TDRKH: variants seen among roughly 807,000 people sequenced by gnomAD.
TDRKH encodes the protein tudor and KH domain containing, also known as tudor and KH domain-containing protein.
Under a neutral mutation model 61.3 loss-of-function variants are expected in TDRKH, and 28 were observed. The observed-to-expected ratio is 0.46, with a 90% CI of 0.34 to 0.63. The LOEUF (loss-of-function observed/expected upper bound fraction) is 0.63. TDRKH is among the 20% of genes least tolerant of loss of function. The pLI, the probability that TDRKH is intolerant of heterozygous loss-of-function variation, is 0.01. For synonymous variants in TDRKH, 219 were observed against 244.4 expected (o/e 0.90, Z 0.97); for missense variants, 540 against 683.4 (o/e 0.79, Z 2.34).
At chr1:151,772,348 T>A (rs1014547593), downstream of TDRKH, among the ~76,000 whole-genome samples, 1 of 152,026 alleles carries the variant, frequency 6.6e-6, no homozygotes, top group African/African-American at 2.4e-5. Context: ...CGCCTCGGCC[T>A]CCCAAAGTGT....
rs1329340458 is a variant in TDRKH, at chr1:151,781,727, A to G, written c.125-140T>C. The G allele has an allele frequency of 5.8e-6, 4 of 694,536 alleles. No individual in the cohort carries two copies. The African/African-American group carries it at 7.1e-5, about 12-fold the overall frequency. The allele number at this position is 694,536 out of a possible 1,614,324, so 43.0% of individuals were successfully genotyped here. A position where few individuals can be genotyped will look rare whatever the true frequency, so the allele number is the denominator to read the frequency against. ...AGGATCTCAACCATAACAACAAGGA[A>G]AAGTGGCATCTGAATGGGAATTAGA... On this transcript the variant is annotated intron_variant, in intron 2 of 12. Transcript: ENST00000368824.
chr1:151,769,823 G>A (rs540235230), downstream of TDRKH, among the ~76,000 whole-genome samples: 10 of 152,362 alleles, frequency 6.6e-5, no homozygotes, highest in African/African-American at 1.4e-4. Context: ...CTGCAATCCC[G>A]GCACCTCAGG....
At chr1:151,770,107 G>A (rs780765759), downstream of TDRKH, 487 of 456,716 alleles carry the variant, frequency 1.1e-3, 1 homozygote, top group Non-Finnish European at 1.6e-3. Flanking sequence ...ATGGGGAGAC[G>A]GAGACGGAGA....
intron 3 of TDRKH, among the ~76,000 whole-genome samples, 185 bp downstream of exon 3, chr1:151,781,296 A>C: frequency 7.8e-6 from 1 of 128,922 alleles, no homozygotes; most frequent in African/African-American, 2.8e-5. Context: ...CAGCCTGGAC[A>C]ACAAGAGCGA....
chr1:151,779,633 C>A, intron 4 of TDRKH: 1 of 382,182 alleles, frequency 2.6e-6, no homozygotes, highest in East Asian at 4.5e-5. Context: ...AAGGTACCCT[C>A]TAGAGCACTG....
At chr1:151,771,443 G>C, downstream of TDRKH, 2 of 1,111,172 alleles carry the variant, frequency 1.8e-6, no homozygotes, top group Non-Finnish European at 2.3e-6. Context: ...AACTACGGAG[G>C]AAAGTACCTA....
chr1:151,774,318 A>T lies in TDRKH; in HGVS notation c.*134T>A. Reference sequence around the variant, plus strand: ...GAAAGCAGCTGCAGAGAAGTATATTAAGACAGGGCATGGGAAAGAGGGAAT... The same window carrying T: ...GAAAGCAGCTGCAGAGAAGTATATTTAGACAGGGCATGGGAAAGAGGGAAT... On this transcript the variant is annotated 3_prime_UTR_variant, in exon 13 of 13. Transcript: ENST00000368824. The T allele has an allele frequency of 1.2e-6, 1 of 852,244 alleles. No homozygotes were observed. The highest frequency in any genetic ancestry group is 2.7e-5 in the East Asian group (1 of 37,604). 52.8% of individuals were successfully genotyped at this position (852,244 alleles called of 1,614,324 possible). A position where few individuals can be genotyped will look rare whatever the true frequency, so the allele number is the denominator to read the frequency against.
intron 8 of TDRKH, 106 bp from the exon 9 acceptor site, chr1:151,775,990 C>T: frequency 6.4e-7 from 1 of 1,568,634 alleles, no homozygotes; most frequent in Non-Finnish European, 8.7e-7. Context: ...CATCTGCTCT[C>T]TGTAAACAGG....
At chr1:151,776,729 G>A (rs1475055772) in intron 6 of TDRKH, 130 bp from the exon 7 acceptor site, 5 of 1,013,046 alleles carry the variant, frequency 4.9e-6, no homozygotes, top group African/African-American at 1.6e-5. Flanking sequence ...AGAGGCAACT[G>A]GATGAATCAA....
At chr1:151,775,018 G>T (rs780601579) in intron 11 of TDRKH, 47 bp downstream of exon 11, 1 of 1,583,096 alleles carries the variant, frequency 6.3e-7, no homozygotes, top group Admixed American at 1.7e-5. Flanking sequence ...GTGTCTATGT[G>T]CTAGATTTGC....
Position 151,774,765 on chromosome 1 carries a change from C to T in TDRKH, c.1578G>A (p.Glu526=). Residue 526 remains glutamate, a synonymous_variant, in exon 12 of 13, where the codon GAG becomes GAA. Coordinates refer to ENST00000368824, the MANE Select transcript of TDRKH (RefSeq NM_001083965.2). ...TTATCTCTCCAGAGCTCTTTTTGGT[C>T]TCAGTGAGCAACGTGCTGAGAGAGG... ...TDASLSTLLT[E]TKKSSGEITH... The T allele has an allele frequency of 1.2e-6, 2 of 1,614,174 alleles. No homozygotes were observed. Among genetic ancestry groups the T allele is most frequent in the Non-Finnish European group, 1.7e-6 (2 of 1,180,020 alleles).
At chr1:151,782,311 G>A (rs570437084) in intron 2 of TDRKH, among the ~76,000 whole-genome samples, 1 of 152,112 alleles carries the variant, frequency 6.6e-6, no homozygotes, top group African/African-American at 2.4e-5. Context: ...GCCAGGAGTG[G>A]TGGCACACGC....
At chr1:151,770,781 C>T (rs532253385), downstream of TDRKH, among the ~76,000 whole-genome samples, 4 of 152,332 alleles carry the variant, frequency 2.6e-5, no homozygotes, top group African/African-American at 9.6e-5. Context: ...TCACTAATCT[C>T]TAGTGTTAAG....
intron 3 of TDRKH, among the ~76,000 whole-genome samples, 153 bp downstream of exon 3, chr1:151,781,328 A>AAAAAATATATATATATATAT (rs1491536697): frequency 2.8e-4 from 19 of 68,598 alleles, no homozygotes; most frequent in Non-Finnish European, 5.1e-4. Flanking sequence ...AAAAAAAAAA[A>AAAAAATATATATATATATAT]ATATATATAT....
rs376794346 is a variant in TDRKH, at chr1:151,775,867, A to G, written c.1235T>C (p.Leu412Pro). ...ACTACATTCTATTGCTTGAAATGGA[A>G]GGCTTAGGAAGTCACTCCTGAAGTA... is the stretch of plus-strand genomic sequence containing the variant. ...LRALRSDFLS[L>P]PFQAIECSLA... Residue 412 changes from leucine to proline, a missense_variant, in exon 9 of 13, where the codon CTT (leucine) becomes CCT (proline). Physicochemically the swap from Leu to Pro is moderately conservative, Grantham distance 98. Coordinates refer to ENST00000368824, the MANE Select transcript of TDRKH (RefSeq NM_001083965.2). The G allele has an allele frequency of 1.9e-6, 3 of 1,613,194 alleles. No homozygotes were observed. Among genetic ancestry groups the G allele is most frequent in the East Asian group, 2.2e-5 (1 of 44,834 alleles).
chr1:151,789,009 A>G (rs1650625259), intron 1 of TDRKH, among the ~76,000 whole-genome samples: 1 of 152,222 alleles, frequency 6.6e-6, no homozygotes, highest in Non-Finnish European at 1.5e-5. Flanking sequence ...GGCCTAGTCC[A>G]GGTGTCAATG....
chr1:151,779,154 T>G lies in TDRKH; in HGVS notation c.510A>C (p.Leu170=), dbSNP rs771280308. The G allele has an allele frequency of 3.1e-6, 5 of 1,614,104 alleles. No homozygotes were observed. The African/African-American group carries it at 4.0e-5, about 13-fold the overall frequency. ...TTCCTGAGATTTTTATAAGTCTTGA[T>G]AGTAGTAATGTCCCTTCTGATTCTT... ...CDKESEGTLL[L]SRLIKISGTQ... Residue 170 remains leucine, a synonymous_variant, in exon 5 of 13, where the codon CTA becomes CTC. Coordinates refer to ENST00000368824, the MANE Select transcript of TDRKH (RefSeq NM_001083965.2).
downstream of TDRKH, among the ~76,000 whole-genome samples, chr1:151,768,951 C>T (rs1220309764): frequency 2.0e-5 from 3 of 152,298 alleles, no homozygotes; most frequent in African/African-American, 4.8e-5. Context: ...TGAGTGGACA[C>T]AGCACGTTTC....
rs1229240645 is a variant in TDRKH at position 151,775,985 on chromosome 1, G to A, written c.1218-101C>T. On this transcript the variant is annotated intron_variant, in intron 8 of 12. Transcript: ENST00000368824. ...AACTAACATGAGACGATAACCATCT[G>A]CTCTCTGTAAACAGGTTCCCTTCCA... 7 of 1,567,248 alleles carry A rather than the reference G, an allele frequency of 4.5e-6. No individual in the cohort carries two copies. The African/African-American group carries it at 8.1e-5, about 18-fold the overall frequency.
Sources: allele counts gnomAD v4.1 joint callset (sites outside exome capture counted in the v4.1 genomes callset), GRCh38; gene constraint gnomAD v4.1.1; transcripts MANE v1.5; gene names NCBI Gene and HGNC (gene_info 2026-07-23, HGNC 2026-07-21).